The following LRP1B variants were observed in gnomAD, a reference collection of about 807,000 sequenced individuals.
LRP1B encodes the protein LDL receptor related protein 1B.
In LRP1B, 217 loss-of-function variants were observed where a neutral mutation model predicts 556.6. The ratio of observed to expected loss-of-function variants is 0.39; its 90% CI spans 0.35 to 0.44. LRP1B has a LOEUF of 0.44. Among genes scored for constraint, LRP1B ranks in the 20% least tolerant of loss-of-function variants. The pLI, the probability that LRP1B is intolerant of heterozygous loss-of-function variation, is 1.00. For synonymous variants in LRP1B, 2,047 were observed against 1,865.8 expected, an observed-to-expected ratio of 1.10 and a Z score of -2.50; for missense variants, 5,053 against 5,620.8, an observed-to-expected ratio of 0.90 and a Z score of 3.23.
At position 140,238,376 on chromosome 2, in the gene LRP1B, T is replaced by C. The variant is rs1680803191; in HGVS notation, c.13416-80A>G. 6 of 691,850 alleles carry C rather than the reference T, an allele frequency of 8.7e-6. No individual in the cohort carries two copies. The South Asian group carries it at 1.7e-4, about 19-fold the overall frequency. The allele number at this position is 691,850 out of a possible 1,614,324, so 42.9% of individuals were successfully genotyped here. A position where few individuals can be genotyped will look rare whatever the true frequency, so the allele number is the denominator to read the frequency against. On this transcript the variant is annotated intron_variant, in intron 88 of 90. Coordinates refer to ENST00000389484, the MANE Select transcript of LRP1B (RefSeq NM_018557.3). ...GCATATGAAATTATATTTATAGATT[T>C]ACTGACTTATTTTGAAATAAATTGA...
At chr2:141,923,446 A>ATGTGTGTG (rs56356725) in intron 1 of LRP1B, among the ~76,000 whole-genome samples, 24 of 81,740 alleles carry the variant, frequency 2.9e-4, no homozygotes, top group African/African-American at 9.0e-4. Flanking sequence ...TTATATATAT[A>ATGTGTGTG]TGTGTGTGTG....
At chr2:140,803,294 A>C (rs1323965772) in intron 32 of LRP1B, among the ~76,000 whole-genome samples, 7 of 85,734 alleles carry the variant, frequency 8.2e-5, no homozygotes, top group African/African-American at 3.4e-4. Flanking sequence ...TTTTTTTCCG[A>C]GATGGAGTCT....
At chr2:140,381,861 C>CAAAA (rs56723132) in intron 67 of LRP1B, among the ~76,000 whole-genome samples, 5 of 64,178 alleles carry the variant, frequency 7.8e-5, no homozygotes, top group East Asian at 6.0e-4. Context: ...GGCTCCCTTT[C>CAAAA]AAAAAAAAAA....
At chr2:141,054,930 A>G (rs185536686) in intron 10 of LRP1B, among the ~76,000 whole-genome samples, 186 bp downstream of exon 10, 1 of 152,134 alleles carries the variant, frequency 6.6e-6, no homozygotes, top group East Asian at 1.9e-4. Flanking sequence ...GAGCCTGGTT[A>G]GTTTCTCATT....
At chr2:140,486,409 A>G (rs1006400112) in intron 58 of LRP1B, among the ~76,000 whole-genome samples, 4 of 151,940 alleles carry the variant, frequency 2.6e-5, no homozygotes, top group African/African-American at 2.4e-5. Flanking sequence ...TTTACCCACC[A>G]CATTTCAAAT....
chr2:140,311,957 C>T (rs190898587), intron 83 of LRP1B, among the ~76,000 whole-genome samples: 13 of 151,808 alleles, frequency 8.6e-5, no homozygotes, highest in African/African-American at 2.9e-4. Flanking sequence ...TGAAGTTATC[C>T]AAAAATTCTG....
intron 7 of LRP1B, among the ~76,000 whole-genome samples, chr2:141,091,062 T>C (rs1266746825): frequency 6.6e-6 from 1 of 152,200 alleles, no homozygotes; most frequent in Non-Finnish European, 1.5e-5. Flanking sequence ...GCTGGATACA[T>C]GAAGTTTGGT....
intron 49 of LRP1B, among the ~76,000 whole-genome samples, chr2:140,521,566 A>G (rs1690175427): frequency 6.6e-6 from 1 of 152,016 alleles, no homozygotes; most frequent in Non-Finnish European, 1.5e-5. Context: ...TGAAAGAATG[A>G]TACTACCACA....
intron 88 of LRP1B, among the ~76,000 whole-genome samples, chr2:140,238,699 G>T (rs768473858): frequency 6.6e-6 from 1 of 150,740 alleles, no homozygotes; most frequent in African/African-American, 2.4e-5. Context: ...TGGTTTTTAA[G>T]CTTATTTTGT....
At chr2:142,130,548 G>C (rs1707813600) in intron 1 of LRP1B, 100 bp downstream of exon 1, 2 of 986,566 alleles carry the variant, frequency 2.0e-6, no homozygotes, top group South Asian at 1.6e-5. Context: ...GGGGAGCGGA[G>C]CTGCAAGGAC....
At chr2:140,825,768 T>G (rs1691481678) in intron 31 of LRP1B, among the ~76,000 whole-genome samples, 1 of 152,156 alleles carries the variant, frequency 6.6e-6, no homozygotes, top group Non-Finnish European at 1.5e-5. Context: ...AATCAACATT[T>G]GAACCAACAT....
intron 3 of LRP1B, among the ~76,000 whole-genome samples, chr2:141,359,780 G>A (rs994336854): frequency 2.9e-4 from 5 of 17,488 alleles, no homozygotes; most frequent in Non-Finnish European, 7.4e-4. Context: ...GCCCCGCCCC[G>A]CCCCCCAAAA....
chr2:140,557,181 T>C (rs1455091528), intron 43 of LRP1B, among the ~76,000 whole-genome samples: 1 of 152,096 alleles, frequency 6.6e-6, no homozygotes, highest in Non-Finnish European at 1.5e-5. Flanking sequence ...ATACATTACT[T>C]CCCACCTTCA....
intron 76 of LRP1B, 145 bp downstream of exon 76, chr2:140,352,808 A>G: frequency 1.4e-6 from 1 of 720,856 alleles, no homozygotes; most frequent in Non-Finnish European, 2.2e-6. Flanking sequence ...ATTAATATTA[A>G]CTAACCAACT....
intron 41 of LRP1B, among the ~76,000 whole-genome samples, chr2:140,625,001 A>C (rs1368470638): frequency 6.6e-6 from 1 of 152,160 alleles, no homozygotes; most frequent in East Asian, 1.9e-4. Context: ...GGAGCCGGGA[A>C]AGAGAGAGCA....
chr2:141,360,025 A>G (rs1020791303), intron 3 of LRP1B, among the ~76,000 whole-genome samples: 2 of 152,172 alleles, frequency 1.3e-5, no homozygotes, highest in African/African-American at 4.8e-5. Context: ...CAAATCAGTA[A>G]TAAGTGTGTA....
intron 2 of LRP1B, among the ~76,000 whole-genome samples, chr2:141,631,146 T>C (rs1574164965): frequency 6.6e-6 from 1 of 152,012 alleles, no homozygotes; most frequent in Non-Finnish European, 1.5e-5. Context: ...CTTTACATGA[T>C]GGGAGGAAGG....
intron 66 of LRP1B, among the ~76,000 whole-genome samples, chr2:140,429,683 T>C (rs1451830176): frequency 6.6e-6 from 1 of 152,136 alleles, no homozygotes; most frequent in Non-Finnish European, 1.5e-5. Context: ...GCATGGTTAG[T>C]GCAGTCAGAA....
At chr2:141,797,710 T>C (rs1249975240) in intron 2 of LRP1B, among the ~76,000 whole-genome samples, 7 of 152,200 alleles carry the variant, frequency 4.6e-5, no homozygotes, top group Non-Finnish European at 8.8e-5. Flanking sequence ...GAAAAAATTT[T>C]GTTGTAATTT....
Sources: allele counts gnomAD v4.1 joint callset (sites outside exome capture counted in the v4.1 genomes callset), GRCh38; gene constraint gnomAD v4.1.1; transcripts MANE v1.5; gene names NCBI Gene and HGNC (gene_info 2026-07-23, HGNC 2026-07-21).